Variants in WWC2 observed in about 807,000 individuals in gnomAD.
The protein encoded by WWC2 is WW and C2 domain containing 2.
A neutral mutation model predicts 138.5 loss-of-function variants in WWC2; 101 were observed. The observed-to-expected ratio is 0.73, with a 90% confidence interval of 0.62 to 0.86. WWC2 has a LOEUF of 0.86. Among genes scored for constraint, WWC2 ranks in the 40% least tolerant of loss-of-function variants. WWC2 has a pLI of 0.00. For synonymous variants in WWC2, 558 were observed against 538.4 expected (o/e 1.04, Z -0.50); for missense variants, 1,420 against 1,419.4 (o/e 1.00, Z -0.01).
chr4:183,100,958 T>C (rs1743160375), intron 1 of WWC2, among the ~76,000 whole-genome samples: 3 of 152,216 alleles, frequency 2.0e-5, no homozygotes, highest in African/African-American at 7.2e-5. Context: ...TGCTAGTTGT[T>C]GTCATAAACT....
At chr4:183,250,661 A>G (rs569354489) in intron 8 of WWC2, among the ~76,000 whole-genome samples, 36 of 152,202 alleles carry the variant, frequency 2.4e-4, no homozygotes, top group Non-Finnish European at 4.6e-4. Context: ...AATACTTTTC[A>G]TAATATAGAA....
intron 2 of WWC2, among the ~76,000 whole-genome samples, chr4:183,206,026 C>G (rs1197325330): frequency 1.3e-5 from 2 of 152,228 alleles, no homozygotes; most frequent in East Asian, 3.9e-4. Flanking sequence ...GTCATGGCTT[C>G]CGTGAAATCT....
At position 183,259,634 on chromosome 4, in the gene WWC2, C is replaced by T. The variant is rs111479753; in HGVS notation, c.1197-5C>T. On this transcript the variant is annotated splice_polypyrimidine_tract_variant and splice_region_variant and intron_variant, in intron 9 of 22. Coordinates refer to ENST00000403733, the MANE Select transcript of WWC2 (RefSeq NM_024949.6). ...TCATTTGAAAATAATTTTTTTTCTTCCTAGATTGAGATTGGAAGAGAGAAG... is the reference window on the plus strand; with the variant it reads ...TCATTTGAAAATAATTTTTTTTCTTTCTAGATTGAGATTGGAAGAGAGAAG... The T allele has an allele frequency of 9.7e-4, 1,461 of 1,509,278 alleles. 14 individuals are homozygous for T. The African/African-American group carries it at 0.018, about 18-fold the overall frequency. The allele number at this position is 1,509,278 out of a possible 1,614,324, so 93.5% of individuals were successfully genotyped here. A position where few individuals can be genotyped will look rare whatever the true frequency, so the allele number is the denominator to read the frequency against.
At chr4:183,200,593 C>T (rs1283739584) in intron 2 of WWC2, among the ~76,000 whole-genome samples, 1 of 152,076 alleles carries the variant, frequency 6.6e-6, no homozygotes, top group Non-Finnish European at 1.5e-5. Context: ...AAGGTGTCAG[C>T]CAGGCTGCAG....
rs1445959016 is a variant in WWC2, at chr4:183,208,942, A to G, written c.446-7A>G. 4.6e-6 allele frequency: 7 copies of G among 1,532,276 alleles called. No homozygotes were observed. The highest frequency in any genetic ancestry group is 5.3e-6 in the Non-Finnish European group (6 of 1,129,202). 94.9% of individuals were successfully genotyped at this position (1,532,276 alleles called of 1,614,324 possible). On this transcript the variant is annotated splice_region_variant and splice_polypyrimidine_tract_variant and intron_variant, in intron 3 of 22. Transcript: ENST00000403733. ...AATAATTAGTTTTTCTTTTTTCTCT[A>G]TAAAAGTATTCTCAGGATCTTCATC... is the stretch of plus-strand genomic sequence containing the variant.
rs777624509 is a variant in WWC2 at position 183,265,105 on chromosome 4, A to G, written c.2037A>G (p.Lys679=). Residue 679 remains lysine (K), a splice_region_variant and synonymous_variant, in exon 12 of 23, where the codon AAA becomes AAG. Coordinates refer to ENST00000403733, the MANE Select transcript of WWC2 (RefSeq NM_024949.6). ...GTGGGGTCTATGAAGCTTTCGTGAA[A>G]CAGTAAGGATTCAGCAGGGGCGCTT... ...GDSGVYEAFV[K]QPSEMEDVTY... 6.2e-7 allele frequency: 1 copy of G among 1,605,850 alleles called. No homozygotes were observed. Among genetic ancestry groups the G allele is most frequent in the Admixed American group, 1.7e-5 (1 of 59,038 alleles).
At chr4:183,158,866 T>A (rs535514461) in intron 1 of WWC2, among the ~76,000 whole-genome samples, 1 of 152,282 alleles carries the variant, frequency 6.6e-6, no homozygotes, top group Non-Finnish European at 1.5e-5. Flanking sequence ...TGTAATTTAT[T>A]TTGAAATGAT....
intron 4 of WWC2, among the ~76,000 whole-genome samples, chr4:183,239,080 C>T (rs924085774): frequency 3.3e-5 from 5 of 152,018 alleles, no homozygotes; most frequent in Non-Finnish European, 5.9e-5. Context: ...TTTGGGAGGC[C>T]GAAGCGGGTG....
intron 4 of WWC2, among the ~76,000 whole-genome samples, chr4:183,212,761 A>G (rs111657671): frequency 1.3e-5 from 2 of 152,208 alleles, no homozygotes; most frequent in Admixed American, 6.5e-5. Context: ...ATGGAGCCTC[A>G]TCCCAATCAG....
chr4:183,193,811 A>C, intron 2 of WWC2, 103 bp downstream of exon 2: 1 of 1,020,448 alleles, frequency 9.8e-7, no homozygotes, highest in Non-Finnish European at 1.5e-6. Flanking sequence ...AATTTCCAAA[A>C]CCCCATTTTC....
chr4:183,185,261 G>T (rs1734756061), intron 1 of WWC2, among the ~76,000 whole-genome samples: 1 of 152,178 alleles, frequency 6.6e-6, no homozygotes. Flanking sequence ...TTCTCAGATT[G>T]ATTCTGTGAT....
intron 18 of WWC2, 59 bp downstream of exon 18, chr4:183,282,965 G>GGA: frequency 2.1e-6 from 3 of 1,452,148 alleles, no homozygotes; most frequent in Middle Eastern, 1.8e-4. Flanking sequence ...TGTGGACTAG[G>GGA]GAGATGCTTG....
chr4:183,315,207 G>A (rs1051372371), intron 22 of WWC2, among the ~76,000 whole-genome samples: 1 of 152,138 alleles, frequency 6.6e-6, no homozygotes. Flanking sequence ...TTTCATTTGC[G>A]TCGTGGTGTC....
rs1736740525 is a variant in WWC2, at chr4:183,245,301, A to C, written c.603-115A>C. 4 of 830,654 alleles carry C rather than the reference A, an allele frequency of 4.8e-6. No individual in the cohort carries two copies. The South Asian group carries it at 1.2e-4, about 26-fold the overall frequency. The allele number at this position is 830,654 out of a possible 1,614,324, so 51.5% of individuals were successfully genotyped here. A position where few individuals can be genotyped will look rare whatever the true frequency, so the allele number is the denominator to read the frequency against. Reference sequence around the variant, plus strand: ...GAAAAGATGATTGCTGGTATATGACAGTCAGCAGTGAAATAATCATCCAAC... The same window carrying C: ...GAAAAGATGATTGCTGGTATATGACCGTCAGCAGTGAAATAATCATCCAAC... On this transcript the variant is annotated intron_variant, in intron 5 of 22. Transcript: ENST00000403733.
At chr4:183,173,465 T>C (rs543396527) in intron 1 of WWC2, among the ~76,000 whole-genome samples, 85 of 152,258 alleles carry the variant, frequency 5.6e-4, no homozygotes, top group African/African-American at 2.0e-3. Flanking sequence ...CAGTGTTGTT[T>C]TGGTTTCTGC....
chr4:183,167,030 A>G (rs1734148324), intron 1 of WWC2, among the ~76,000 whole-genome samples: 1 of 152,160 alleles, frequency 6.6e-6, no homozygotes, highest in South Asian at 2.1e-4. Flanking sequence ...GTATGACGTC[A>G]TATATGGATT....
intron 4 of WWC2, among the ~76,000 whole-genome samples, chr4:183,221,502 A>C (rs1735936830): frequency 6.6e-6 from 1 of 152,250 alleles, no homozygotes; most frequent in Admixed American, 6.5e-5. Context: ...TCCTTACTCT[A>C]GAATATGAAA....
At chr4:183,220,696 T>A (rs1208695571) in intron 4 of WWC2, among the ~76,000 whole-genome samples, 3 of 151,728 alleles carry the variant, frequency 2.0e-5, no homozygotes, top group South Asian at 4.2e-4. Flanking sequence ...TAGCCGGGCG[T>A]GGTGGCGGGC....
At chr4:183,299,267 C>G (rs1009165742) in intron 21 of WWC2, among the ~76,000 whole-genome samples, 2 of 152,074 alleles carry the variant, frequency 1.3e-5, no homozygotes, top group Non-Finnish European at 2.9e-5. Context: ...TCCCACCTCT[C>G]AATACCGTTA....
Sources: allele counts gnomAD v4.1 joint callset (sites outside exome capture counted in the v4.1 genomes callset), GRCh38; gene constraint gnomAD v4.1.1; transcripts MANE v1.5; gene names NCBI Gene and HGNC (gene_info 2026-07-23, HGNC 2026-07-21).